The following MYO16 variants were observed in gnomAD, a reference collection of about 807,000 sequenced individuals.
The protein encoded by MYO16 is unconventional myosin-XVI.
A neutral mutation model predicts 205.3 loss-of-function variants in MYO16; 94 were observed. The ratio of observed to expected loss-of-function variants is 0.46; its 90% CI spans 0.39 to 0.54. MYO16 has a LOEUF of 0.54. MYO16 is among the 20% of genes least tolerant of loss of function. The probability of loss-of-function intolerance (pLI) is 0.00; values close to 1 mark genes in which losing one functional copy is unlikely to be tolerated. For synonymous variants in MYO16, 988 were observed against 954.0 expected, an observed-to-expected ratio of 1.04 and a Z score of -0.66; for missense variants, 2,315 against 2,387.5, an observed-to-expected ratio of 0.97 and a Z score of 0.63.
the MYO16 span, among the ~76,000 whole-genome samples, chr13:108,568,557 A>G: frequency 1.3e-5 from 2 of 152,142 alleles, no homozygotes; most frequent in Non-Finnish European, 2.9e-5. Context: ...TTGAGTTGTG[A>G]AAGTTCTTTA....
intron 6 of MYO16, among the ~76,000 whole-genome samples, chr13:108,795,964 A>G (rs1421016530): frequency 6.6e-6 from 1 of 152,216 alleles, no homozygotes; most frequent in Non-Finnish European, 1.5e-5. Flanking sequence ...TGTGAAGGGA[A>G]AGCATTCCAG....
At chr13:108,544,305 C>T in the MYO16 span, among the ~76,000 whole-genome samples, 4 of 152,090 alleles carry the variant, frequency 2.6e-5, no homozygotes, top group South Asian at 8.3e-4. Context: ...CACGTAAAAC[C>T]TTAGATATGA....
At chr13:109,176,169 T>TTTGA (rs935745037) in intron 33 of MYO16, among the ~76,000 whole-genome samples, 4 of 152,168 alleles carry the variant, frequency 2.6e-5, no homozygotes, top group African/African-American at 4.8e-5. Flanking sequence ...ACTGTGTTAT[T>TTTGA]TTGATAGATA....
intron 20 of MYO16, among the ~76,000 whole-genome samples, chr13:108,988,220 C>T (rs2139430367): frequency 6.6e-6 from 1 of 152,226 alleles, no homozygotes; most frequent in Non-Finnish European, 1.5e-5. Context: ...AGGGGAATGA[C>T]AGTCAGGTCA....
At chr13:108,617,880 C>T (rs1879404986) in intron 1 of MYO16, among the ~76,000 whole-genome samples, 1 of 152,036 alleles carries the variant, frequency 6.6e-6, no homozygotes, top group East Asian at 1.9e-4. Flanking sequence ...TCCCTTACAC[C>T]ATCCCCTTCC....
At chr13:108,741,324 C>G (rs1285281975) in intron 4 of MYO16, among the ~76,000 whole-genome samples, 1 of 152,196 alleles carries the variant, frequency 6.6e-6, no homozygotes, top group East Asian at 1.9e-4. Flanking sequence ...TAAGTGAGTG[C>G]TATGACTCAC....
chr13:109,023,496 T>G (rs1244929943), intron 23 of MYO16, among the ~76,000 whole-genome samples: 1 of 113,752 alleles, frequency 8.8e-6, no homozygotes, highest in African/African-American at 3.6e-5. Flanking sequence ...ATTTATATAT[T>G]ATACAGATAT....
chr13:109,075,257 T>A (rs1412833687), intron 27 of MYO16, among the ~76,000 whole-genome samples: 1 of 152,188 alleles, frequency 6.6e-6, no homozygotes, highest in Non-Finnish European at 1.5e-5. Context: ...GTTATGGTTT[T>A]TAAAAACTGC....
rs181843402 is a variant in MYO16, at chr13:109,052,984, A to G, written c.3048+509A>G. ...ATTTGTAATGTATATTTGTCTCGCA[A>G]AAGTTTGGTTGTATACACAAACTCA... On this transcript the variant is annotated intron_variant, in intron 25 of 34. Transcript: ENST00000457511. Among the ~76,000 whole-genome samples, 209 of 152,248 alleles carry G rather than the reference A, an allele frequency of 1.4e-3. 1 individual carries two copies. Among genetic ancestry groups the G allele is most frequent in the Non-Finnish European group, 1.9e-3 (131 of 67,998 alleles).
chr13:108,939,349 G>C (rs993200177), intron 16 of MYO16, among the ~76,000 whole-genome samples: 5 of 152,306 alleles, frequency 3.3e-5, no homozygotes, highest in African/African-American at 1.2e-4. Flanking sequence ...CGGGGGAAAG[G>C]GGAGTCACAG....
the MYO16 span, among the ~76,000 whole-genome samples, chr13:108,576,905 C>T: frequency 6.6e-6 from 1 of 152,058 alleles, no homozygotes; most frequent in Non-Finnish European, 1.5e-5. Context: ...GGACTACAGG[C>T]ATACGCCACC....
intron 7 of MYO16, among the ~76,000 whole-genome samples, chr13:108,810,719 G>C (rs1043365517): frequency 2.0e-5 from 3 of 152,114 alleles, no homozygotes; most frequent in Non-Finnish European, 2.9e-5. Flanking sequence ...AGGGGAAAAA[G>C]CGTTAGAAAT....
At chr13:109,046,859 T>C in intron 23 of MYO16, 57 bp from the exon 24 acceptor site, 1 of 1,415,672 alleles carries the variant, frequency 7.1e-7, no homozygotes, top group Non-Finnish European at 9.9e-7. Flanking sequence ...TTTAAAGGAA[T>C]TTATTTTCAC....
chr13:108,955,245 C>A (rs1361712806), intron 16 of MYO16, among the ~76,000 whole-genome samples: 1 of 152,182 alleles, frequency 6.6e-6, no homozygotes, highest in African/African-American at 2.4e-5. Flanking sequence ...CAACTCCACA[C>A]CCTCTCCTTA....
chr13:108,517,024 G>T, the MYO16 span, among the ~76,000 whole-genome samples: 11 of 152,218 alleles, frequency 7.2e-5, no homozygotes, highest in East Asian at 2.1e-3. Context: ...TCAAATTCGT[G>T]GGTTCAAGCG....
At chr13:109,174,187 C>A (rs1206613007) in intron 33 of MYO16, among the ~76,000 whole-genome samples, 2 of 152,228 alleles carry the variant, frequency 1.3e-5, no homozygotes, top group South Asian at 4.1e-4. Context: ...GAATACAGCA[C>A]TCTTAAGAAG....
At chr13:108,781,224 T>C (rs1168069524) in intron 4 of MYO16, among the ~76,000 whole-genome samples, 1 of 152,210 alleles carries the variant, frequency 6.6e-6, no homozygotes, top group Non-Finnish European at 1.5e-5. Context: ...CAATTAATTA[T>C]TGAAAACAGT....
intron 4 of MYO16, among the ~76,000 whole-genome samples, chr13:108,744,816 A>G (rs1027498094): frequency 4.6e-5 from 7 of 152,212 alleles, no homozygotes; most frequent in African/African-American, 1.7e-4. Flanking sequence ...TCAGCCTCCT[A>G]TGCTGTTAGT....
chr13:108,812,659 G>T (rs997172757), intron 7 of MYO16, among the ~76,000 whole-genome samples: 1 of 152,164 alleles, frequency 6.6e-6, no homozygotes, highest in Admixed American at 6.5e-5. Flanking sequence ...CGTATTTAAT[G>T]GTTGCTATGT....
Sources: allele counts gnomAD v4.1 joint callset (sites outside exome capture counted in the v4.1 genomes callset), GRCh38; gene constraint gnomAD v4.1.1; transcripts MANE v1.5; gene names NCBI Gene and HGNC (gene_info 2026-07-23, HGNC 2026-07-21).